Variants in CAMK1D observed in about 807,000 individuals in gnomAD.
The protein encoded by CAMK1D is calcium/calmodulin-dependent protein kinase type 1D.
Under a neutral mutation model 47.7 loss-of-function variants are expected in CAMK1D, and 9 were observed. The ratio of observed to expected loss-of-function variants is 0.19; its 90% CI spans 0.11 to 0.33. CAMK1D has a LOEUF of 0.33. Ranked by LOEUF, CAMK1D falls within the 10% of genes least tolerant of loss-of-function variation. CAMK1D has a pLI of 1.00. For missense variants in CAMK1D, 291 were observed against 488.7 expected (o/e 0.60, Z 3.81); for synonymous variants, 184 against 184.9 (o/e 0.99, Z 0.04).
chr10:12,470,349 A>G (rs995524300), intron 1 of CAMK1D, among the ~76,000 whole-genome samples: 1 of 152,128 alleles, frequency 6.6e-6, no homozygotes, highest in East Asian at 1.9e-4. Flanking sequence ...GAGATTTTTT[A>G]TGTATTTTCC....
chr10:12,450,199 A>G (rs952232405), intron 1 of CAMK1D, among the ~76,000 whole-genome samples: 2 of 152,134 alleles, frequency 1.3e-5, no homozygotes, highest in African/African-American at 4.8e-5. Context: ...AAGTTTCCCT[A>G]TGTAATTAAA....
At chr10:12,452,735 A>T (rs1406316570) in intron 1 of CAMK1D, among the ~76,000 whole-genome samples, 1 of 151,856 alleles carries the variant, frequency 6.6e-6, no homozygotes, top group Non-Finnish European at 1.5e-5. Context: ...ACAGGTATGC[A>T]CCACTATGCC....
chr10:12,658,256 GGA>G (rs1249627157), intron 2 of CAMK1D, among the ~76,000 whole-genome samples: 1 of 152,208 alleles, frequency 6.6e-6, no homozygotes, highest in Non-Finnish European at 1.5e-5. Context: ...GAGTCTTAAA[GGA>G]TGAGTATTTT....
At chr10:12,666,628 C>A in intron 2 of CAMK1D, 108 bp from the exon 3 acceptor site, 2 of 834,042 alleles carry the variant, frequency 2.4e-6, no homozygotes, top group South Asian at 1.6e-5. Context: ...TCTTTTTGTT[C>A]AGGAGTTTGG....
chr10:12,539,489 C>A (rs12412542), intron 1 of CAMK1D, among the ~76,000 whole-genome samples: 4,048 of 152,268 alleles, frequency 0.027, 115 homozygotes, highest in South Asian at 0.068. Flanking sequence ...GTTGCTTCAC[C>A]ATTCAGGTTT....
At chr10:12,769,398 T>C (rs1307248584) in intron 4 of CAMK1D, among the ~76,000 whole-genome samples, 3 of 152,234 alleles carry the variant, frequency 2.0e-5, no homozygotes, top group South Asian at 4.1e-4. Context: ...ATCGGCTTTC[T>C]AGATTGCCTC....
intron 3 of CAMK1D, among the ~76,000 whole-genome samples, chr10:12,749,743 C>A (rs2130871118): frequency 6.6e-6 from 1 of 152,186 alleles, no homozygotes; most frequent in Non-Finnish European, 1.5e-5. Flanking sequence ...AGGTGCCCAC[C>A]AACACCTGGC....
chr10:12,387,644 C>T (rs1014710220), intron 1 of CAMK1D, among the ~76,000 whole-genome samples: 1 of 149,068 alleles, frequency 6.7e-6, no homozygotes, highest in South Asian at 2.1e-4. Context: ...GTAGCTGGAA[C>T]CCTGGCTAAT....
intron 1 of CAMK1D, among the ~76,000 whole-genome samples, chr10:12,388,245 T>A (rs776052455): frequency 6.6e-6 from 1 of 152,208 alleles, no homozygotes; most frequent in Non-Finnish European, 1.5e-5. Context: ...CAGGCTGATC[T>A]CGAACTCCTG....
chr10:12,765,381 G>A (rs899906717), intron 4 of CAMK1D, among the ~76,000 whole-genome samples: 1 of 152,058 alleles, frequency 6.6e-6, no homozygotes, highest in African/African-American at 2.4e-5. Context: ...AAGAAGAGAG[G>A]GGAGGGGGTA....
intron 3 of CAMK1D, among the ~76,000 whole-genome samples, chr10:12,748,090 A>C (rs1184476951): frequency 3.3e-5 from 5 of 152,198 alleles, no homozygotes; most frequent in Non-Finnish European, 5.9e-5. Flanking sequence ...CAGCGAAGGG[A>C]TGCTAAGAAG....
intron 2 of CAMK1D, among the ~76,000 whole-genome samples, chr10:12,643,398 G>C (rs937239033): frequency 3.9e-5 from 6 of 152,172 alleles, no homozygotes; most frequent in African/African-American, 1.2e-4. Flanking sequence ...TTAGGAGCAG[G>C]GCTGCACAGC....
intron 1 of CAMK1D, among the ~76,000 whole-genome samples, chr10:12,525,951 A>G (rs1360024922): frequency 6.6e-6 from 1 of 152,104 alleles, no homozygotes. Context: ...AAGGGGTTTT[A>G]CCATGTTGGC....
At chr10:12,528,736 C>CTTTTTTTTTTTTTTTTTTTTTTTTTT (rs34250007) in intron 1 of CAMK1D, among the ~76,000 whole-genome samples, 2 of 137,912 alleles carry the variant, frequency 1.5e-5, no homozygotes, top group Non-Finnish European at 3.1e-5. Flanking sequence ...AAATCCTCAT[C>CTTTTTTTTTTTTTTTTTTTTTTTTTT]TTTTTTTTTT....
intron 1 of CAMK1D, among the ~76,000 whole-genome samples, chr10:12,352,426 T>A (rs1285946723): frequency 6.6e-6 from 1 of 151,860 alleles, no homozygotes; most frequent in African/African-American, 2.4e-5. Context: ...CTGGCCAACA[T>A]GGTGAAACCC....
chr10:12,364,572 A>G (rs948845846), intron 1 of CAMK1D, among the ~76,000 whole-genome samples: 2 of 151,946 alleles, frequency 1.3e-5, no homozygotes, highest in African/African-American at 2.4e-5. Flanking sequence ...GCTGCTAACA[A>G]GCTAGTTAGT....
chr10:12,477,806 G>T (rs1168754497), intron 1 of CAMK1D, among the ~76,000 whole-genome samples: 1 of 152,132 alleles, frequency 6.6e-6, no homozygotes, highest in African/African-American at 2.4e-5. Context: ...AACATCCACC[G>T]TGTTTGGCTG....
rs567546312 is a variant in CAMK1D, at chr10:12,428,761, C to T, written c.92+78851C>T. On this transcript the variant is annotated intron_variant, in intron 1 of 10. Transcript: ENST00000619168. Reference sequence around the variant, plus strand: ...GTTGAAATTCTCACTCCCAATGCGACGGTGTTAGGAAGTGGGGCCTTTGGG... The same window carrying T: ...GTTGAAATTCTCACTCCCAATGCGATGGTGTTAGGAAGTGGGGCCTTTGGG... Among the ~76,000 whole-genome samples, 181 of 152,308 alleles carry T rather than the reference C, an allele frequency of 1.2e-3. 2 individuals carry two copies. In the South Asian group the frequency reaches 0.016, roughly 13 times the overall value.
At chr10:12,600,233 C>G (rs1184206979) in intron 2 of CAMK1D, among the ~76,000 whole-genome samples, 1 of 152,214 alleles carries the variant, frequency 6.6e-6, no homozygotes, top group Non-Finnish European at 1.5e-5. Flanking sequence ...GACTCCAGTT[C>G]CCCGCTTCTT....
Sources: gnomAD v4.1 joint callset for allele counts (sites outside exome capture counted in the v4.1 genomes callset) on GRCh38, gnomAD v4.1.1 for gene constraint, MANE v1.5 for transcripts, NCBI Gene and HGNC (gene_info 2026-07-23, HGNC 2026-07-21) for gene names.